CAP2: variants seen among roughly 807,000 people sequenced by gnomAD.
The protein encoded by CAP2 is adenylyl cyclase-associated protein 2.
CAP2 carries 24 observed loss-of-function variants against 57.7 expected under a neutral mutation model. The ratio of observed to expected loss-of-function variants is 0.42; its 90% confidence interval spans 0.30 to 0.58. CAP2 has a LOEUF of 0.58. Ranked by LOEUF, CAP2 falls within the 20% of genes least tolerant of loss-of-function variation. The pLI is 0.22. For missense variants in CAP2, 501 were observed against 590.3 expected (o/e 0.85, Z 1.57); for synonymous variants, 194 against 207.2 (o/e 0.94, Z 0.55).
chr6:17,463,601 G>A (rs1457484631), intron 4 of CAP2, among the ~76,000 whole-genome samples: 4 of 152,172 alleles, frequency 2.6e-5, no homozygotes, highest in African/African-American at 9.7e-5. Context: ...GTGGTTAAGT[G>A]TTTTGTGTTT....
At chr6:17,399,388 A>G (rs567308341) in intron 1 of CAP2, among the ~76,000 whole-genome samples, 9 of 152,256 alleles carry the variant, frequency 5.9e-5, no homozygotes, top group Admixed American at 1.3e-4. Context: ...ATCCAGGGGA[A>G]TTCCATCTTG....
chr6:17,394,602 C>T lies in CAP2; in HGVS notation c.-2+856C>T, dbSNP rs73723915. Among the ~76,000 whole-genome samples the T allele has an allele frequency of 4.1e-3, 617 of 152,204 alleles. 3 individuals carry two copies. The highest frequency in any genetic ancestry group is 0.014 in the African/African-American group (596 of 41,522). On this transcript the variant is annotated intron_variant, in intron 1 of 12. Coordinates refer to ENST00000229922, the MANE Select transcript of CAP2 (RefSeq NM_006366.3). ...AACACTTGGTAAAAACATCTAGGAC[C>T]TTTGGTTTTATAGTTATGGAAATGC...
At chr6:17,462,025 T>TAAAAAAAAAAAAAAAAAAAAAAAAAAAA (rs1760743309) in intron 3 of CAP2, among the ~76,000 whole-genome samples, 1 of 86,670 alleles carries the variant, frequency 1.2e-5, no homozygotes, top group Non-Finnish European at 2.6e-5. Flanking sequence ...AAAAAAAAAT[T>TAAAAAAAAAAAAAAAAAAAAAAAAAAAA]AACATAACAA....
At chr6:17,476,867 T>C (rs1351741282) in intron 4 of CAP2, among the ~76,000 whole-genome samples, 32 of 46,758 alleles carry the variant, frequency 6.8e-4, no homozygotes, top group African/African-American at 1.7e-3. Flanking sequence ...CTTACTTCTT[T>C]TTTTTTTTTT....
intron 7 of CAP2, among the ~76,000 whole-genome samples, chr6:17,522,656 G>C (rs962883952): frequency 7.2e-5 from 11 of 152,332 alleles, no homozygotes; most frequent in Admixed American, 6.5e-4. Context: ...GAGAAAGGCT[G>C]GTGGTTTTGC....
chr6:17,420,700 T>C (rs1317369477), intron 1 of CAP2, among the ~76,000 whole-genome samples: 6 of 152,236 alleles, frequency 3.9e-5, no homozygotes, highest in Non-Finnish European at 8.8e-5. Context: ...AGTTAAGTGC[T>C]GTACATAGAT....
rs1760768006 is a variant in CAP2 at position 17,463,050 on chromosome 6, T to C, written c.277T>C (p.Ser93Pro). ...CCAGCGGGCTTTCCTTCTGATGGCC[T>C]CTCAGTACCAACAACCCCACGAGGT... is the stretch of plus-strand genomic sequence containing the variant. Reference protein sequence around the residue: ...QAQRAFLLMASQYQQPHENDV... With the variant: ...QAQRAFLLMAPQYQQPHENDV... The change falls in exon 4 of 13, where the codon TCT becomes CCT. Residue 93 changes from serine (S) to proline (P), a missense_variant. Coordinates refer to ENST00000229922, the MANE Select transcript of CAP2 (RefSeq NM_006366.3). 6.2e-7 allele frequency: 1 copy of C among 1,613,768 alleles called. No homozygotes were observed. The highest frequency in any genetic ancestry group is 1.1e-5 in the South Asian group (1 of 91,068).
intron 4 of CAP2, among the ~76,000 whole-genome samples, chr6:17,487,192 C>T (rs1287154208): frequency 2.0e-5 from 3 of 152,202 alleles, no homozygotes; most frequent in Non-Finnish European, 4.4e-5. Flanking sequence ...ACCTGCCTTT[C>T]GGAGCCATCT....
intron 11 of CAP2, among the ~76,000 whole-genome samples, chr6:17,545,278 G>T (rs6937218): frequency 0.76 from 116,136 of 152,076 alleles, 44,812 homozygotes; most frequent in Middle Eastern, 0.88. Flanking sequence ...CCTTTCATTC[G>T]TACAGAAATT....
Position 17,507,707 on chromosome 6 carries a change from T to C in CAP2, c.511T>C (p.Leu171=), listed in dbSNP as rs1762027662. Residue 171 remains leucine, a synonymous_variant, in exon 6 of 13, where the codon TTA becomes CTA. Coordinates refer to ENST00000229922, the MANE Select transcript of CAP2 (RefSeq NM_006366.3). ...DAATFYTNRV[L]KDYKHSDLRH... ...TGCCACCTTTTACACTAACAGGGTC[T>C]TAAAGGACTACAAACACAGGTACGT... 4 of 1,602,012 alleles carry C rather than the reference T, an allele frequency of 2.5e-6. No individual in the cohort carries two copies. The highest frequency in any genetic ancestry group is 3.4e-6 in the Non-Finnish European group (4 of 1,169,160).
At chr6:17,407,403 C>A (rs1352496226) in intron 1 of CAP2, among the ~76,000 whole-genome samples, 1 of 151,538 alleles carries the variant, frequency 6.6e-6, no homozygotes, top group African/African-American at 2.4e-5. Context: ...CGCTTGAGCC[C>A]AGGAGCTCAA....
intron 7 of CAP2, among the ~76,000 whole-genome samples, chr6:17,517,495 G>A (rs979831161): frequency 6.6e-6 from 1 of 152,130 alleles, no homozygotes; most frequent in African/African-American, 2.4e-5. Flanking sequence ...CTCTTACTAT[G>A]TACAACACAT....
chr6:17,428,393 C>A (rs144619907), intron 3 of CAP2, among the ~76,000 whole-genome samples: 1,948 of 152,182 alleles, frequency 0.013, 14 homozygotes, highest in Non-Finnish European at 0.018. Context: ...TCTTCTTTTT[C>A]TTTGGCCTTT....
intron 3 of CAP2, among the ~76,000 whole-genome samples, chr6:17,443,165 T>C (rs556127031): frequency 2.6e-5 from 4 of 152,112 alleles, no homozygotes; most frequent in Non-Finnish European, 5.9e-5. Flanking sequence ...AGCGGGAGGA[T>C]CATTTTAGCC....
chr6:17,487,092 A>G (rs1761437529), intron 4 of CAP2, among the ~76,000 whole-genome samples: 1 of 152,146 alleles, frequency 6.6e-6, no homozygotes, highest in Non-Finnish European at 1.5e-5. Flanking sequence ...TTAACTCAGC[A>G]CTTAATTGCT....
intron 3 of CAP2, among the ~76,000 whole-genome samples, chr6:17,434,834 GA>G (rs1561782133): frequency 6.6e-6 from 1 of 150,566 alleles, no homozygotes; most frequent in Non-Finnish European, 1.5e-5. Context: ...AAATTTACAA[GA>G]AAAAAACAAA....
intron 7 of CAP2, among the ~76,000 whole-genome samples, chr6:17,517,926 T>C (rs1408174786): frequency 6.6e-6 from 1 of 151,922 alleles, no homozygotes; most frequent in Non-Finnish European, 1.5e-5. Flanking sequence ...AATAAATAAA[T>C]AGTTATAAAA....
intron 4 of CAP2, among the ~76,000 whole-genome samples, chr6:17,477,304 C>T (rs1761175965): frequency 6.6e-6 from 1 of 152,224 alleles, no homozygotes; most frequent in Admixed American, 6.5e-5. Context: ...TGCGCTGTTA[C>T]AGCATGTCAT....
At chr6:17,428,773 A>G (rs1169124392) in intron 3 of CAP2, among the ~76,000 whole-genome samples, 1 of 137,418 alleles carries the variant, frequency 7.3e-6, no homozygotes, top group Non-Finnish European at 1.6e-5. Flanking sequence ...TTAAAGTATA[A>G]TAAAAAAAAA....
Sources: gnomAD v4.1 joint callset for allele counts (sites outside exome capture counted in the v4.1 genomes callset) on GRCh38, gnomAD v4.1.1 for gene constraint, MANE v1.5 for transcripts, NCBI Gene and HGNC (gene_info 2026-07-23, HGNC 2026-07-21) for gene names.